STXBP5L: variants seen among roughly 807,000 people sequenced by gnomAD.
The protein encoded by STXBP5L is syntaxin-binding protein 5-like.
Under a neutral mutation model 144.5 loss-of-function variants are expected in STXBP5L, and 65 were observed. The ratio of observed to expected loss-of-function variants is 0.45; its 90% CI spans 0.37 to 0.55. The LOEUF (loss-of-function observed/expected upper bound fraction) is 0.55, where lower values mean the gene tolerates loss of function less well. STXBP5L is among the 20% of genes least tolerant of loss of function. The pLI, the probability that STXBP5L is intolerant of heterozygous loss-of-function variation, is 0.00. For missense variants in STXBP5L, 1,298 were observed against 1,405.5 expected, an observed-to-expected ratio of 0.92 and a Z score of 1.22; for synonymous variants, 505 against 469.6, an observed-to-expected ratio of 1.08 and a Z score of -0.97.
At chr3:121,097,518 G>T (rs1203667919) in intron 5 of STXBP5L, among the ~76,000 whole-genome samples, 1 of 152,180 alleles carries the variant, frequency 6.6e-6, no homozygotes, top group Non-Finnish European at 1.5e-5. Context: ...GCTGGAGTGT[G>T]CACCCTTCCT....
intron 14 of STXBP5L, among the ~76,000 whole-genome samples, chr3:121,241,376 TACACACACACACAC>T (rs4048752): frequency 2.1e-4 from 31 of 146,812 alleles, no homozygotes; most frequent in African/African-American, 2.8e-4. Flanking sequence ...CACACACACA[TACACACACACACAC>T]ACACACACAC....
rs767094991 is a variant in STXBP5L, at chr3:121,257,302, G to T, written c.1801G>T (p.Gly601Ter). ...SGSTNTVASE[G>*]VTKDSIPCLN... ...GAGCACTAACACTGTTGCTAGTGAA[G>T]GAGTAACAAAGGACAGTATTCCATG... Residue 601 changes from glycine to a stop codon, truncating the protein, a stop_gained, in exon 17 of 27, where the codon GGA (glycine) becomes TGA (stop). Coordinates refer to ENST00000471454, the MANE Select transcript of STXBP5L (RefSeq NM_001308330.2). LOFTEE classifies it high-confidence loss of function. The T allele has an allele frequency of 6.2e-7, 1 of 1,613,304 alleles. No homozygotes were observed. Among genetic ancestry groups the T allele is most frequent in the South Asian group, 1.1e-5 (1 of 90,984 alleles).
intron 14 of STXBP5L, among the ~76,000 whole-genome samples, chr3:121,243,895 G>A (rs868278878): frequency 5.3e-5 from 8 of 152,106 alleles, no homozygotes; most frequent in Admixed American, 1.3e-4. Flanking sequence ...TATTTTTTCC[G>A]AAATAGACTA....
chr3:121,202,501 T>C (rs2048176863), intron 9 of STXBP5L, among the ~76,000 whole-genome samples: 1 of 152,208 alleles, frequency 6.6e-6, no homozygotes, highest in South Asian at 2.1e-4. Context: ...TGGTACTCTG[T>C]TCTTTGTGTA....
intron 9 of STXBP5L, among the ~76,000 whole-genome samples, chr3:121,193,856 G>A (rs1391573679): frequency 1.3e-5 from 2 of 151,872 alleles, no homozygotes; most frequent in Non-Finnish European, 2.9e-5. Flanking sequence ...ATAGCATTAG[G>A]AGAATACCTA....
chr3:121,151,953 A>G (rs1039845203), intron 7 of STXBP5L, among the ~76,000 whole-genome samples: 1 of 142,684 alleles, frequency 7.0e-6, no homozygotes, highest in Admixed American at 7.1e-5. Context: ...TGATTTAAAA[A>G]TAAATATTAA....
chr3:121,240,001 A>G (rs1331198735), intron 13 of STXBP5L, among the ~76,000 whole-genome samples: 3 of 152,136 alleles, frequency 2.0e-5, no homozygotes, highest in African/African-American at 7.2e-5. Context: ...ATAGTTTACT[A>G]CAAGATTCAA....
At chr3:121,408,294 A>C (rs1346916998) in intron 23 of STXBP5L, among the ~76,000 whole-genome samples, 1 of 152,004 alleles carries the variant, frequency 6.6e-6, no homozygotes, top group African/African-American at 2.4e-5. Context: ...AATAGCTCAT[A>C]AACGTATACT....
chr3:121,134,913 A>G (rs914825727), intron 7 of STXBP5L, among the ~76,000 whole-genome samples: 3 of 152,190 alleles, frequency 2.0e-5, no homozygotes, highest in South Asian at 4.1e-4. Context: ...TCCTTTGGGT[A>G]TATACCCAGT....
Position 121,273,319 on chromosome 3 carries a change from C to T in STXBP5L, c.1959-6486C>T, listed in dbSNP as rs185411935. Among the ~76,000 whole-genome samples, 24 of 150,038 alleles carry T rather than the reference C, an allele frequency of 1.6e-4. 1 individual carries two copies. Among genetic ancestry groups the T allele is most frequent in the Admixed American group, 8.6e-4 (13 of 15,122 alleles). On this transcript the variant is annotated intron_variant, in intron 18 of 26. Coordinates refer to ENST00000471454, the MANE Select transcript of STXBP5L (RefSeq NM_001308330.2). ...TGGCAGTTTTTTTTTTTTCTTTTTG[C>T]GCTTTGAATAAATCATCCCATTCTC...
At chr3:120,939,441 G>A (rs1710443307) in intron 2 of STXBP5L, among the ~76,000 whole-genome samples, 1 of 152,064 alleles carries the variant, frequency 6.6e-6, no homozygotes, top group South Asian at 2.1e-4. Flanking sequence ...ATTTATGATG[G>A]AGGCTCAAAA....
At chr3:120,966,348 A>G (rs2107769672) in intron 3 of STXBP5L, among the ~76,000 whole-genome samples, 1 of 152,240 alleles carries the variant, frequency 6.6e-6, no homozygotes. Flanking sequence ...GATCCTTTGG[A>G]GGGGAAGTGG....
chr3:121,157,963 G>A (rs2046180883), intron 9 of STXBP5L: 1 of 207,398 alleles, frequency 4.8e-6, no homozygotes, highest in Non-Finnish European at 9.5e-6. Context: ...TGAGAGAATG[G>A]CACTATTTAG....
rs1375503118 is a variant in STXBP5L at position 121,381,435 on chromosome 3, C to T, written c.2490C>T (p.Phe830=). 7 of 1,606,048 alleles carry T rather than the reference C, an allele frequency of 4.4e-6. No individual in the cohort carries two copies. The highest frequency in any genetic ancestry group is 1.7e-5 in the Admixed American group (1 of 57,358). The change falls in exon 22 of 27, where the codon TTC becomes TTT. Residue 830 remains phenylalanine, a synonymous_variant. Coordinates refer to ENST00000471454, the MANE Select transcript of STXBP5L (RefSeq NM_001308330.2). ...ACTCTACCATCTCTCCTTGTCTGTT[C>T]GTTGGAACCAGTCTGGGAATGGTGT... ...KNDSTISPCL[F]VGTSLGMVLI... is the part of the protein sequence containing the mutation.
At chr3:121,072,481 T>A (rs1299683137) in intron 5 of STXBP5L, among the ~76,000 whole-genome samples, 1 of 152,252 alleles carries the variant, frequency 6.6e-6, no homozygotes, top group Admixed American at 6.5e-5. Flanking sequence ...CTTTCCTTGA[T>A]GAAACTGCTT....
chr3:121,077,043 C>A (rs930079369), intron 5 of STXBP5L, among the ~76,000 whole-genome samples: 1 of 152,160 alleles, frequency 6.6e-6, no homozygotes, highest in Non-Finnish European at 1.5e-5. Flanking sequence ...TCTGTGCCTC[C>A]CAGCGTCACG....
intron 5 of STXBP5L, among the ~76,000 whole-genome samples, chr3:121,113,019 C>G (rs571263438): frequency 3.3e-5 from 5 of 152,178 alleles, no homozygotes; most frequent in African/African-American, 1.2e-4. Context: ...GTAACCACTA[C>G]TCATCAGTTG....
intron 20 of STXBP5L, among the ~76,000 whole-genome samples, chr3:121,362,382 GC>G: frequency 6.6e-6 from 1 of 152,248 alleles, no homozygotes; most frequent in Middle Eastern, 3.4e-3. Flanking sequence ...GGGTGGCAAG[GC>G]CCCCTAGGTC....
intron 10 of STXBP5L, among the ~76,000 whole-genome samples, chr3:121,206,641 C>T (rs2048345878): frequency 1.3e-5 from 2 of 152,050 alleles, no homozygotes; most frequent in Admixed American, 6.6e-5. Context: ...AAAACCCTGC[C>T]TCTGCTAGAA....
Sources: allele counts gnomAD v4.1 joint callset (sites outside exome capture counted in the v4.1 genomes callset), GRCh38; gene constraint gnomAD v4.1.1; transcripts MANE v1.5; gene names NCBI Gene and HGNC (gene_info 2026-07-23, HGNC 2026-07-21).